CHRNA7: variants seen among roughly 807,000 people sequenced by gnomAD.
CHRNA7 encodes the protein neuronal acetylcholine receptor subunit alpha-7.
Under a neutral mutation model 48.0 loss-of-function variants are expected in CHRNA7, and 17 were observed. That is an observed-to-expected ratio of 0.35 (90% CI 0.24 to 0.53). The LOEUF (loss-of-function observed/expected upper bound fraction) is 0.53, where lower values mean the gene tolerates loss of function less well. Ranked by LOEUF, CHRNA7 falls within the 20% of genes least tolerant of loss-of-function variation. CHRNA7 has a pLI of 0.92. For missense variants in CHRNA7, 155 were observed against 577.7 expected (o/e 0.27, Z 7.50); for synonymous variants, 75 against 242.3 (o/e 0.31, Z 6.41).
At chr15:32,105,898 A>G (rs1250505388) in intron 3 of CHRNA7, among the ~76,000 whole-genome samples, 3 of 152,154 alleles carry the variant, frequency 2.0e-5, no homozygotes, top group Non-Finnish European at 2.9e-5. Context: ...TGGGTTTAAA[A>G]CAAACCTTAA....
intron 2 of CHRNA7, among the ~76,000 whole-genome samples, chr15:32,055,230 CTTTTT>C (rs57589623): frequency 6.9e-6 from 1 of 144,246 alleles, no homozygotes; most frequent in Admixed American, 6.9e-5. Flanking sequence ...TTCTCTCTCT[CTTTTT>C]TTTTTGTTTT....
intron 4 of CHRNA7, among the ~76,000 whole-genome samples, chr15:32,112,856 C>T (rs1288389780): frequency 7.0e-6 from 1 of 142,838 alleles, no homozygotes; most frequent in Admixed American, 6.9e-5. Context: ...GTCTTTGCAT[C>T]TGGGGGCCGG....
chr15:32,152,496 C>CGCGGGAGGCCGAGAGAGT (rs2051651803), intron 4 of CHRNA7, among the ~76,000 whole-genome samples: 1 of 152,160 alleles, frequency 6.6e-6, no homozygotes, highest in Non-Finnish European at 1.5e-5. Flanking sequence ...ACCAGGGCCA[C>CGCGGGAGGCCGAGAGAGT]GCGGGAGGCC....
At chr15:32,114,059 TACA>T (rs2050818777) in intron 4 of CHRNA7, among the ~76,000 whole-genome samples, 1 of 38,358 alleles carries the variant, frequency 2.6e-5, no homozygotes, top group African/African-American at 6.6e-5. Context: ...TATATATATA[TACA>T]TATATATATA....
intron 2 of CHRNA7, among the ~76,000 whole-genome samples, chr15:32,071,366 G>A (rs1297162140): frequency 6.6e-6 from 1 of 152,194 alleles, no homozygotes; most frequent in Admixed American, 6.5e-5. Context: ...TTTGAGGAAT[G>A]TTAGCATATT....
chr15:32,109,193 G>A (rs1046708760), intron 3 of CHRNA7, among the ~76,000 whole-genome samples: 1 of 152,154 alleles, frequency 6.6e-6, no homozygotes, highest in Non-Finnish European at 1.5e-5. Flanking sequence ...AACAAGGGGT[G>A]GATTATTCAT....
intron 2 of CHRNA7, among the ~76,000 whole-genome samples, chr15:32,084,240 G>C (rs2050260065): frequency 6.6e-6 from 1 of 152,198 alleles, no homozygotes; most frequent in Admixed American, 6.5e-5. Flanking sequence ...TAGAATCCTT[G>C]TGACAGCAAT....
At position 32,080,823 on chromosome 15, in the gene CHRNA7, A is replaced by G. The variant is rs762851065; in HGVS notation, c.196-20480A>G. On this transcript the variant is annotated intron_variant, in intron 2 of 9. Coordinates refer to ENST00000306901, the MANE Select transcript of CHRNA7 (RefSeq NM_000746.6). Reference sequence around the variant, plus strand: ...TATCCAAAGGAATATAAATCATTCTATTACAAAGATACATGCATGTGTATG... The same window carrying G: ...TATCCAAAGGAATATAAATCATTCTGTTACAAAGATACATGCATGTGTATG... Among the ~76,000 whole-genome samples the G allele has an allele frequency of 9.2e-5, 14 of 152,324 alleles. 1 individual carries two copies. The highest frequency in any genetic ancestry group is 4.1e-4 in the South Asian group (2 of 4,830).
At chr15:32,117,886 G>A (rs980821071) in intron 4 of CHRNA7, among the ~76,000 whole-genome samples, 1 of 152,138 alleles carries the variant, frequency 6.6e-6, no homozygotes, top group African/African-American at 2.4e-5. Flanking sequence ...GGCTCTTGGA[G>A]GGCCCAAGGG....
chr15:32,059,879 A>G (rs1028240427), intron 2 of CHRNA7, among the ~76,000 whole-genome samples: 1 of 147,418 alleles, frequency 6.8e-6, no homozygotes, highest in African/African-American at 2.5e-5. Context: ...AGAGGGCTAT[A>G]ACGCCCAAGC....
At position 32,096,581 on chromosome 15, in the gene CHRNA7, G is replaced by T. The variant is rs575953884; in HGVS notation, c.196-4722G>T. On this transcript the variant is annotated intron_variant, in intron 2 of 9. Transcript: ENST00000306901. ...TCTCTGCAAACAAGAATTTAGAAAT[G>T]GTGGTGGTTAGGTCTATTGTTATGT... is the stretch of plus-strand genomic sequence containing the variant. Among the ~76,000 whole-genome samples, 5 of 151,644 alleles carry T rather than the reference G, an allele frequency of 3.3e-5. No individual in the cohort carries two copies. The South Asian group carries it at 1.0e-3, about 32-fold the overall frequency.
intron 2 of CHRNA7, among the ~76,000 whole-genome samples, chr15:32,074,741 G>A (rs775133793): frequency 1.5e-4 from 22 of 151,398 alleles, no homozygotes; most frequent in Non-Finnish European, 3.1e-4. Flanking sequence ...TGCAACCTCC[G>A]CCTCCTGGGT....
chr15:32,039,281 G>A (rs1272805560), intron 2 of CHRNA7, among the ~76,000 whole-genome samples: 4 of 151,764 alleles, frequency 2.6e-5, no homozygotes, highest in African/African-American at 9.7e-5. Flanking sequence ...CTAATTTTTA[G>A]TATTTCTCTG....
In CHRNA7 at chr15:32,116,951, G is replaced by T. The variant is rs1400226224; in HGVS notation, c.350+5052G>T. 2.6e-5 allele frequency among the ~76,000 whole-genome samples: 4 copies of T among 152,314 alleles called. No homozygotes were observed. The East Asian group carries it at 7.7e-4, about 29-fold the overall frequency. Reference sequence around the variant, plus strand: ...CCTGTGGCTGATAGCAGAGGCTGGAGAGGGGACCTCTATGCAGGACACACT... The same window carrying T: ...CCTGTGGCTGATAGCAGAGGCTGGATAGGGGACCTCTATGCAGGACACACT... On this transcript the variant is annotated intron_variant, in intron 4 of 9. Transcript: ENST00000306901.
intron 2 of CHRNA7, among the ~76,000 whole-genome samples, chr15:32,069,147 T>C (rs540265420): frequency 6.6e-6 from 1 of 152,252 alleles, no homozygotes; most frequent in Admixed American, 6.5e-5. Flanking sequence ...TAGACACATC[T>C]ATAGGACACT....
chr15:32,079,903 C>T (rs1265874041), intron 2 of CHRNA7, among the ~76,000 whole-genome samples: 1 of 152,112 alleles, frequency 6.6e-6, no homozygotes, highest in Non-Finnish European at 1.5e-5. Flanking sequence ...TCAAACTATA[C>T]TACAGTGCTA....
intron 3 of CHRNA7, among the ~76,000 whole-genome samples, chr15:32,105,373 G>A (rs2050646974): frequency 6.6e-6 from 1 of 151,674 alleles, no homozygotes; most frequent in Non-Finnish European, 1.5e-5. Flanking sequence ...AGAAGGAGGA[G>A]GAGGAAAAAA....
intron 4 of CHRNA7, among the ~76,000 whole-genome samples, chr15:32,142,205 T>A (rs1334287265): frequency 6.6e-6 from 1 of 152,250 alleles, no homozygotes; most frequent in Non-Finnish European, 1.5e-5. Flanking sequence ...TGGTTCTGTT[T>A]ATGTGATGGA....
At chr15:32,040,043 C>T (rs2049418994) in intron 2 of CHRNA7, among the ~76,000 whole-genome samples, 1 of 152,084 alleles carries the variant, frequency 6.6e-6, no homozygotes, top group African/African-American at 2.4e-5. Context: ...GAAGTACGCT[C>T]TATCTGAAAT....
Sources: gnomAD v4.1 joint callset for allele counts (sites outside exome capture counted in the v4.1 genomes callset) on GRCh38, gnomAD v4.1.1 for gene constraint, MANE v1.5 for transcripts, NCBI Gene and HGNC (gene_info 2026-07-23, HGNC 2026-07-21) for gene names.